Variants in NAALADL2 observed in about 807,000 individuals in gnomAD.
NAALADL2 encodes N-acetylated alpha-linked acidic dipeptidase like 2, also known as inactive N-acetylated-alpha-linked acidic dipeptidase-like protein 2.
NAALADL2 carries 76 observed loss-of-function variants against 87.2 expected under a neutral mutation model. The ratio of observed to expected loss-of-function variants is 0.87; its 90% CI spans 0.72 to 1.05. The LOEUF is 1.05. NAALADL2 is among the 50% of genes least tolerant of loss of function. The pLI is 0.00. For missense variants in NAALADL2, 1,089 were observed against 945.8 expected (o/e 1.15, Z -1.99); for synonymous variants, 354 against 331.0 (o/e 1.07, Z -0.75).
intron 2 of NAALADL2, among the ~76,000 whole-genome samples, chr3:174,709,885 A>G (rs1208834446): frequency 6.6e-6 from 1 of 152,166 alleles, no homozygotes; most frequent in Non-Finnish European, 1.5e-5. Context: ...CCTTTTTGTA[A>G]TGAATCATTG....
intron 3 of NAALADL2, among the ~76,000 whole-genome samples, chr3:174,796,858 T>G (rs947848833): frequency 6.6e-6 from 1 of 151,878 alleles, no homozygotes; most frequent in African/African-American, 2.4e-5. Context: ...TGTTTTTGAG[T>G]TGTTTGTATT....
chr3:175,337,960 G>A (rs1256549257), intron 5 of NAALADL2, among the ~76,000 whole-genome samples: 1 of 152,300 alleles, frequency 6.6e-6, no homozygotes, highest in Non-Finnish European at 1.5e-5. Context: ...ACTACGATGA[G>A]AGTGGTGTAT....
intron 11 of NAALADL2, among the ~76,000 whole-genome samples, chr3:175,730,427 T>C (rs1254569805): frequency 5.5e-5 from 5 of 91,138 alleles, no homozygotes; most frequent in Non-Finnish European, 1.2e-4. Flanking sequence ...TATATATATA[T>C]ATATATATAT....
rs781310362 is a variant in NAALADL2 at position 175,471,775 on chromosome 3, T to G, written c.1653+17T>G. ...GTAGTAGAGGTAAGACAAACCACTA[T>G]TGTATCAAATGATTATGCAAAACCG... On this transcript the variant is annotated intron_variant, in intron 9 of 13. Coordinates refer to ENST00000454872, the MANE Select transcript of NAALADL2 (RefSeq NM_207015.3). 1.9e-6 allele frequency: 3 copies of G among 1,580,988 alleles called. No homozygotes were observed. The highest frequency in any genetic ancestry group is 2.6e-6 in the Non-Finnish European group (3 of 1,168,296).
chr3:175,471,544 T>C (rs551704861), intron 8 of NAALADL2, 95 bp from the exon 9 acceptor site: 2 of 716,906 alleles, frequency 2.8e-6, no homozygotes, highest in South Asian at 3.5e-5. Context: ...TAATTTTAAG[T>C]ATGAAATGAA....
At chr3:175,753,377 TTTG>T (rs1288590765) in intron 12 of NAALADL2, among the ~76,000 whole-genome samples, 4 of 152,114 alleles carry the variant, frequency 2.6e-5, no homozygotes, top group South Asian at 2.1e-4. Context: ...CATAATTTTA[TTTG>T]TTATCAGATT....
chr3:174,747,061 A>C (rs1355154478), intron 3 of NAALADL2, among the ~76,000 whole-genome samples: 1 of 152,200 alleles, frequency 6.6e-6, no homozygotes, highest in Non-Finnish European at 1.5e-5. Context: ...TTGCAACAAA[A>C]GCAAAAATTG....
At chr3:174,842,962 T>C (rs1724189836) in intron 3 of NAALADL2, among the ~76,000 whole-genome samples, 1 of 152,164 alleles carries the variant, frequency 6.6e-6, no homozygotes, top group African/African-American at 2.4e-5. Context: ...GTTACTTTCT[T>C]TTCAATTTTT....
intron 5 of NAALADL2, among the ~76,000 whole-genome samples, chr3:175,436,300 G>A (rs879520780): frequency 4.7e-5 from 7 of 148,438 alleles, no homozygotes; most frequent in African/African-American, 1.0e-4. Context: ...GAATAATGCC[G>A]CAATAAACAT....
At chr3:175,286,592 A>G (rs569695767) in intron 4 of NAALADL2, among the ~76,000 whole-genome samples, 6 of 152,228 alleles carry the variant, frequency 3.9e-5, no homozygotes, top group African/African-American at 1.4e-4. Context: ...TATAATACCT[A>G]TGGATCGACT....
intron 2 of NAALADL2, among the ~76,000 whole-genome samples, chr3:175,169,416 G>C (rs902491684): frequency 4.8e-4 from 73 of 150,552 alleles, no homozygotes; most frequent in African/African-American, 1.7e-3. Context: ...TTTATATGTG[G>C]AACAGTCCAT....
At chr3:175,192,874 T>A (rs1402541856) in intron 2 of NAALADL2, among the ~76,000 whole-genome samples, 2 of 151,994 alleles carry the variant, frequency 1.3e-5, no homozygotes, top group African/African-American at 4.8e-5. Context: ...AGTTTAAAAT[T>A]TTACGTGTAG....
chr3:175,639,679 T>C (rs1337130684), intron 11 of NAALADL2, among the ~76,000 whole-genome samples: 1 of 152,160 alleles, frequency 6.6e-6, no homozygotes, highest in Non-Finnish European at 1.5e-5. Context: ...ACACTAAATT[T>C]TCTCCACACC....
At chr3:174,491,943 A>G (rs1020163800) in intron 1 of NAALADL2, among the ~76,000 whole-genome samples, 3 of 152,150 alleles carry the variant, frequency 2.0e-5, no homozygotes, top group Admixed American at 1.3e-4. Flanking sequence ...TGATGTATTT[A>G]AAAAATAGAT....
At chr3:175,027,260 T>G (rs564504931) in intron 1 of NAALADL2, among the ~76,000 whole-genome samples, 2 of 152,124 alleles carry the variant, frequency 1.3e-5, no homozygotes, top group Non-Finnish European at 2.9e-5. Context: ...TGCCAATGAA[T>G]GAAAACTGAA....
chr3:175,578,348 G>A (rs113946463), intron 10 of NAALADL2, among the ~76,000 whole-genome samples: 2,306 of 152,104 alleles, frequency 0.015, 62 homozygotes, highest in African/African-American at 0.05. Context: ...TGGGAGGATC[G>A]CTGGAGCCCT....
intron 5 of NAALADL2, among the ~76,000 whole-genome samples, chr3:175,339,735 C>A (rs914430732): frequency 6.6e-6 from 1 of 152,112 alleles, no homozygotes; most frequent in Non-Finnish European, 1.5e-5. Context: ...CATGGATACC[C>A]TAGACAAAAT....
intron 1 of NAALADL2, among the ~76,000 whole-genome samples, chr3:174,953,730 G>T (rs1180216018): frequency 6.6e-6 from 1 of 151,922 alleles, no homozygotes; most frequent in Non-Finnish European, 1.5e-5. Flanking sequence ...ACACTCTGTT[G>T]CAAGCTTTTC....
chr3:175,324,338 G>C lies in NAALADL2; in HGVS notation c.1090+13G>C. 6.2e-7 allele frequency: 1 copy of C among 1,606,598 alleles called. No individual in the cohort carries two copies. Among genetic ancestry groups the C allele is most frequent in the Non-Finnish European group, 8.5e-7 (1 of 1,176,888 alleles). On this transcript the variant is annotated intron_variant, in intron 5 of 13. Coordinates refer to ENST00000454872, the MANE Select transcript of NAALADL2 (RefSeq NM_207015.3). ...TACCCAAGTGTCGGTAAGTTTGTTG[G>C]TCATCATTATTATACTTGTAAGTAA...
Sources: allele counts gnomAD v4.1 joint callset (sites outside exome capture counted in the v4.1 genomes callset), GRCh38; gene constraint gnomAD v4.1.1; transcripts MANE v1.5; gene names NCBI Gene and HGNC (gene_info 2026-07-23, HGNC 2026-07-21).